TFDP1: variants seen among roughly 807,000 people sequenced by gnomAD.
TFDP1 encodes transcription factor Dp-1, also known as DRTF1-polypeptide 1.
In TFDP1, 6 loss-of-function variants were observed where a neutral mutation model predicts 48.0. That is an observed-to-expected ratio of 0.13 (90% CI 0.07 to 0.25). The LOEUF is 0.25. Among genes scored for constraint, TFDP1 ranks in the 10% least tolerant of loss-of-function variants. TFDP1 has a pLI of 1.00. For synonymous variants in TFDP1, 201 were observed against 211.6 expected (o/e 0.95, Z 0.44); for missense variants, 335 against 543.0 (o/e 0.62, Z 3.81).
chr13:113,608,010 C>T (rs1342207354), intron 2 of TFDP1, among the ~76,000 whole-genome samples: 1 of 152,226 alleles, frequency 6.6e-6, no homozygotes, highest in African/African-American at 2.4e-5. Flanking sequence ...GGAACATTTA[C>T]AGACACGAGC....
At chr13:113,587,502 T>C (rs1412718530) in intron 2 of TFDP1, among the ~76,000 whole-genome samples, 5 of 144,220 alleles carry the variant, frequency 3.5e-5, no homozygotes, top group African/African-American at 1.4e-4. Flanking sequence ...TTTTTTTTTT[T>C]GAGACAGAGT....
intron 11 of TFDP1, among the ~76,000 whole-genome samples, chr13:113,638,733 A>G (rs1264746091): frequency 6.6e-6 from 1 of 152,254 alleles, no homozygotes; most frequent in African/African-American, 2.4e-5. Flanking sequence ...GTCCCTAGGT[A>G]TTGATCTTAG....
intron 8 of TFDP1, 41 bp from the exon 9 acceptor site, chr13:113,635,936 T>A: frequency 6.3e-7 from 1 of 1,596,858 alleles, no homozygotes. Context: ...GCTGCGTTCT[T>A]GTGCCGCCAC....
At chr13:113,628,012 C>G (rs989425001) in intron 4 of TFDP1, among the ~76,000 whole-genome samples, 4 of 149,980 alleles carry the variant, frequency 2.7e-5, no homozygotes, top group Non-Finnish European at 5.9e-5. Flanking sequence ...GATGCTTCCA[C>G]CTGGAGCTGT....
chr13:113,595,258 G>A (rs1486522367), intron 2 of TFDP1, among the ~76,000 whole-genome samples: 1 of 152,170 alleles, frequency 6.6e-6, no homozygotes, highest in African/African-American at 2.4e-5. Context: ...TGGACTGAAC[G>A]CCCCTTCTTG....
intron 4 of TFDP1, among the ~76,000 whole-genome samples, chr13:113,625,059 AGGTGTCTCTCACG>A (rs2049102217): frequency 7.4e-6 from 1 of 135,454 alleles, no homozygotes; most frequent in Non-Finnish European, 1.5e-5. Context: ...ACGTGTCCTC[AGGTGTCTCTCACG>A]TGTCCTCAGG....
At chr13:113,587,299 G>C (rs1453302197) in intron 2 of TFDP1, among the ~76,000 whole-genome samples, 1 of 151,966 alleles carries the variant, frequency 6.6e-6, no homozygotes, top group East Asian at 1.9e-4. Flanking sequence ...AGGCACAGGG[G>C]CTGGGGGCTC....
intron 3 of TFDP1, among the ~76,000 whole-genome samples, chr13:113,614,486 G>T (rs1200485788): frequency 1.3e-5 from 2 of 152,206 alleles, no homozygotes; most frequent in Non-Finnish European, 2.9e-5. Context: ...CCAGGGCATG[G>T]TCGGTAGCAC....
intron 7 of TFDP1, 100 bp from the exon 8 acceptor site, chr13:113,634,434 A>G: frequency 1.0e-6 from 1 of 969,570 alleles, no homozygotes. Context: ...CATTCTGGGT[A>G]AACATAGGTA....
intron 3 of TFDP1, among the ~76,000 whole-genome samples, chr13:113,611,507 A>G (rs938170396): frequency 7.2e-5 from 11 of 152,154 alleles, no homozygotes; most frequent in African/African-American, 2.2e-4. Context: ...TGTGTATTTT[A>G]CTAGCTCTTG....
At chr13:113,586,604 T>C (rs145520834) in intron 2 of TFDP1, among the ~76,000 whole-genome samples, 1 of 152,372 alleles carries the variant, frequency 6.6e-6, no homozygotes, top group Non-Finnish European at 1.5e-5. Context: ...GTTTACCTAC[T>C]TACCGCACAG....
At chr13:113,587,415 G>T (rs1386673856) in intron 2 of TFDP1, among the ~76,000 whole-genome samples, 1 of 152,080 alleles carries the variant, frequency 6.6e-6, no homozygotes, top group Non-Finnish European at 1.5e-5. Flanking sequence ...GGAGTGGTCA[G>T]GAGTGCTGGG....
chr13:113,630,930 G>T (rs1272676965), intron 4 of TFDP1, among the ~76,000 whole-genome samples: 1 of 152,336 alleles, frequency 6.6e-6, no homozygotes, highest in East Asian at 1.9e-4. Context: ...GGGCCCAGGT[G>T]TGTGAGCCCC....
rs904427981 is a variant in TFDP1, at chr13:113,633,789, G to A, written c.475-101G>A. The A allele has an allele frequency of 7.7e-6, 11 of 1,433,974 alleles. No homozygotes were observed. Among genetic ancestry groups the A allele is most frequent in the African/African-American group, 4.3e-5 (3 of 69,948 alleles). 88.8% of individuals were successfully genotyped at this position (1,433,974 alleles called of 1,614,324 possible). ...GAGGGCATGTTGGGGTGGCGGCTCC[G>A]TGAGCGGGGTGCCCCTTTGAGCCAG... is the stretch of plus-strand genomic sequence containing the variant. On this transcript the variant is annotated intron_variant, in intron 6 of 11. Coordinates refer to ENST00000375370, the MANE Select transcript of TFDP1 (RefSeq NM_007111.5). The surrounding 1 kb of genome is among the most constrained non-coding windows in gnomAD (Gnocchi z 4.5).
chr13:113,604,097 G>A (rs1053665237), intron 2 of TFDP1, among the ~76,000 whole-genome samples: 2 of 150,564 alleles, frequency 1.3e-5, no homozygotes, highest in Non-Finnish European at 2.9e-5. Context: ...GAAGGTCAAG[G>A]CTGCAGTGAG....
rs768661383 is a variant in TFDP1, at chr13:113,640,226, G to A, written c.1192G>A (p.Glu398Lys). The change falls in exon 12 of 12, where the codon GAG becomes AAG. Residue 398 changes from glutamate to lysine, a missense_variant. Glu to Lys is a moderately conservative substitution (Grantham distance 56). Around this residue, in one of 3 missense-constraint regions of TFDP1, gnomAD observed 204 missense variants for 287.1 expected, o/e 0.71. Transcript: ENST00000375370. Reference protein sequence around the residue: ...TPVSYVGEDDEEDDDFNENDE... With the variant: ...TPVSYVGEDDKEDDDFNENDE... The stretch of plus-strand genomic sequence containing the variant: ...GGTGTCCTACGTCGGGGAGGACGAC[G>A]AGGAGGACGATGACTTCAACGAGAA... 5.5e-5 allele frequency: 89 copies of A among 1,613,600 alleles called. No individual in the cohort carries two copies. Among genetic ancestry groups the A allele is most frequent in the Non-Finnish European group, 7.3e-5 (86 of 1,179,754 alleles).
chr13:113,634,665 G>A lies in TFDP1; in HGVS notation c.687+63G>A, dbSNP rs991151338. 45 of 1,252,424 alleles carry A rather than the reference G, an allele frequency of 3.6e-5. 1 individual carries two copies. Among genetic ancestry groups the A allele is most frequent in the East Asian group, 1.4e-4 (6 of 42,852 alleles). The allele number at this position is 1,252,424 out of a possible 1,614,324, so 77.6% of individuals were successfully genotyped here. A position where few individuals can be genotyped will look rare whatever the true frequency, so the allele number is the denominator to read the frequency against. ...TATTTTACTAATTTAGCTTTATAAC[G>A]GCAACATACTGCCTTGGGTTACACT... On this transcript the variant is annotated intron_variant, in intron 8 of 11. Coordinates refer to ENST00000375370, the MANE Select transcript of TFDP1 (RefSeq NM_007111.5).
chr13:113,614,569 C>G (rs1316061291), intron 3 of TFDP1, among the ~76,000 whole-genome samples: 1 of 152,180 alleles, frequency 6.6e-6, no homozygotes, highest in Non-Finnish European at 1.5e-5. Context: ...GAGAGTGGAT[C>G]AGGGGAAGGT....
At chr13:113,610,264 A>C (rs1395199109) in intron 2 of TFDP1, among the ~76,000 whole-genome samples, 4 of 148,154 alleles carry the variant, frequency 2.7e-5, no homozygotes, top group African/African-American at 5.0e-5. Context: ...ATGTGGCTGT[A>C]CCATCACGTT....
Sources: allele counts gnomAD v4.1 joint callset (sites outside exome capture counted in the v4.1 genomes callset), GRCh38; gene constraint gnomAD v4.1.1; regional missense constraint gnomAD v4.1.1; non-coding constraint Gnocchi (gnomAD v3.1); transcripts MANE v1.5; gene names NCBI Gene and HGNC (gene_info 2026-07-23, HGNC 2026-07-21).